Variants in PLEKHM3 observed in about 807,000 individuals in gnomAD.
The protein encoded by PLEKHM3 is pleckstrin homology domain containing M3.
In PLEKHM3, 45 loss-of-function variants were observed where a neutral mutation model predicts 81.8. The ratio of observed to expected loss-of-function variants is 0.55; its 90% CI spans 0.43 to 0.71. PLEKHM3 has a LOEUF of 0.71. PLEKHM3 is among the 30% of genes least tolerant of loss of function. PLEKHM3 has a pLI of 0.00. For synonymous variants in PLEKHM3, 352 were observed against 356.4 expected, an observed-to-expected ratio of 0.99 and a Z score of 0.14; for missense variants, 788 against 924.3, an observed-to-expected ratio of 0.85 and a Z score of 1.91.
At chr2:207,905,260 C>T (rs1688564856) in intron 6 of PLEKHM3, among the ~76,000 whole-genome samples, 1 of 152,158 alleles carries the variant, frequency 6.6e-6, no homozygotes, top group Admixed American at 6.5e-5. Flanking sequence ...ACAGACAGGT[C>T]TGCTTTTACA....
chr2:207,908,680 T>C (rs1688705999), intron 5 of PLEKHM3, 103 bp from the exon 6 acceptor site: 1 of 966,212 alleles, frequency 1.0e-6, no homozygotes, highest in South Asian at 1.6e-5. Flanking sequence ...CTCTGCCCTG[T>C]CCACTTTCCA....
At position 207,843,771 on chromosome 2, in the gene PLEKHM3, T is replaced by C. The variant is rs924813773; in HGVS notation, c.2109-15275A>G. 4.6e-5 allele frequency among the ~76,000 whole-genome samples: 7 copies of C among 152,138 alleles called. No homozygotes were observed. The highest frequency in any genetic ancestry group is 1.9e-4 in the East Asian group (1 of 5,198). ...TTTCATTTAAATTTCCTTTCCACCA[T>C]CACAGATTCGCTTTCTGGAAAAAAA... On this transcript the variant is annotated intron_variant, in intron 7 of 7. Transcript: ENST00000427836. This position sits in a 1 kb window ranked among gnomAD's most constrained non-coding sequence, Gnocchi z 4.4.
chr2:207,875,302 C>T (rs953953884), intron 6 of PLEKHM3, among the ~76,000 whole-genome samples: 4 of 152,240 alleles, frequency 2.6e-5, no homozygotes, highest in Non-Finnish European at 5.9e-5. Context: ...TAAAAAGATG[C>T]TCAACTTTAC....
chr2:207,972,280 G>A (rs966109573), intron 3 of PLEKHM3, among the ~76,000 whole-genome samples: 2 of 147,220 alleles, frequency 1.4e-5, no homozygotes, highest in African/African-American at 5.0e-5. Context: ...TCCAGGAACA[G>A]CAAGAAGACC....
chr2:207,979,762 A>G (rs1691458897), intron 2 of PLEKHM3, among the ~76,000 whole-genome samples: 1 of 152,188 alleles, frequency 6.6e-6, no homozygotes, highest in Admixed American at 6.5e-5. Flanking sequence ...GACTAAAGAA[A>G]AAAAGAGTAA....
intron 6 of PLEKHM3, among the ~76,000 whole-genome samples, chr2:207,863,746 TA>T (rs878875311): frequency 1.3e-5 from 2 of 151,920 alleles, no homozygotes; most frequent in Admixed American, 1.3e-4. Context: ...ATGAGGCTCT[TA>T]AAAAAAACCT....
At chr2:207,968,655 C>G (rs1294629649) in intron 3 of PLEKHM3, among the ~76,000 whole-genome samples, 1 of 152,170 alleles carries the variant, frequency 6.6e-6, no homozygotes, top group Non-Finnish European at 1.5e-5. Context: ...GTGTAGCACA[C>G]AAAGAGGGGT....
intron 7 of PLEKHM3, among the ~76,000 whole-genome samples, chr2:207,838,059 A>G (rs2092330652): frequency 6.6e-6 from 1 of 152,056 alleles, no homozygotes; most frequent in African/African-American, 2.4e-5. Flanking sequence ...GGCGTGAGCC[A>G]CCGCGCCCGG....
intron 6 of PLEKHM3, among the ~76,000 whole-genome samples, chr2:207,873,383 A>G (rs561702190): frequency 6.6e-6 from 1 of 152,196 alleles, no homozygotes; most frequent in Non-Finnish European, 1.5e-5. Flanking sequence ...CTACAAAATA[A>G]AGTGATTCTA....
chr2:207,929,540 G>T (rs1183470795), intron 5 of PLEKHM3, among the ~76,000 whole-genome samples: 1 of 152,150 alleles, frequency 6.6e-6, no homozygotes, highest in African/African-American at 2.4e-5. Flanking sequence ...TCTTGTATCT[G>T]GTTTAGTTGG....
At chr2:207,992,751 G>A (rs1213984118) in intron 2 of PLEKHM3, among the ~76,000 whole-genome samples, 2 of 152,100 alleles carry the variant, frequency 1.3e-5, no homozygotes, top group African/African-American at 4.8e-5. Context: ...AATTTTAATT[G>A]AGAAAAATCT....
At chr2:207,896,946 C>T (rs914421813) in intron 6 of PLEKHM3, among the ~76,000 whole-genome samples, 8 of 152,194 alleles carry the variant, frequency 5.3e-5, no homozygotes, top group African/African-American at 1.9e-4. Context: ...GACGTCTGTG[C>T]ATAGCCCACC....
chr2:207,857,063 G>T (rs2092440793), intron 7 of PLEKHM3, among the ~76,000 whole-genome samples: 1 of 152,148 alleles, frequency 6.6e-6, no homozygotes, highest in Non-Finnish European at 1.5e-5. Context: ...ATTAGATCCA[G>T]TTAATTGACA....
At chr2:207,977,727 G>C (rs1691369208) in intron 2 of PLEKHM3, 141 bp from the exon 3 acceptor site, 1 of 735,532 alleles carries the variant, frequency 1.4e-6, no homozygotes, top group Non-Finnish European at 2.2e-6. Context: ...CAAAATAAAA[G>C]TAGTAGAATC....
intron 5 of PLEKHM3, among the ~76,000 whole-genome samples, chr2:207,909,071 C>T (rs766888697): frequency 5.3e-5 from 8 of 152,262 alleles, no homozygotes; most frequent in Non-Finnish European, 7.4e-5. Context: ...GAGGCTTCTA[C>T]GGCTTTCATT....
At chr2:207,954,726 G>A (rs1487328980) in intron 3 of PLEKHM3, among the ~76,000 whole-genome samples, 1 of 152,190 alleles carries the variant, frequency 6.6e-6, no homozygotes, top group Non-Finnish European at 1.5e-5. Flanking sequence ...GCTTTGACAT[G>A]TAGGACCTAC....
intron 2 of PLEKHM3, among the ~76,000 whole-genome samples, chr2:207,981,461 T>G (rs1691520537): frequency 1.3e-5 from 2 of 152,160 alleles, no homozygotes; most frequent in South Asian, 4.1e-4. Context: ...TTCTCCTGCC[T>G]CAGCCTCCTA....
chr2:207,914,333 TA>T (rs1688912680), intron 5 of PLEKHM3, among the ~76,000 whole-genome samples: 1 of 151,758 alleles, frequency 6.6e-6, no homozygotes, highest in Non-Finnish European at 1.5e-5. Context: ...CCATCTCTAC[TA>T]AAAATATAAA....
chr2:207,885,463 A>C (rs1043381026), intron 6 of PLEKHM3, among the ~76,000 whole-genome samples: 4 of 152,228 alleles, frequency 2.6e-5, no homozygotes, highest in African/African-American at 9.6e-5. Flanking sequence ...CAATTCTGAA[A>C]TCCGATGTAA....
Sources: gnomAD v4.1 joint callset for allele counts (sites outside exome capture counted in the v4.1 genomes callset) on GRCh38, gnomAD v4.1.1 for gene constraint, Gnocchi (gnomAD v3.1) non-coding constraint, MANE v1.5 for transcripts, NCBI Gene and HGNC (gene_info 2026-07-23, HGNC 2026-07-21) for gene names.